Variants in FAM178B observed in about 807,000 individuals in gnomAD.
The protein encoded by FAM178B is family with sequence similarity 178 member B.
A neutral mutation model predicts 91.7 loss-of-function variants in FAM178B; 82 were observed. The ratio of observed to expected loss-of-function variants is 0.89; its 90% CI spans 0.75 to 1.07. The LOEUF is 1.07. Ranked by LOEUF, FAM178B falls within the 50% of genes least tolerant of loss-of-function variation. The pLI, the probability that FAM178B is intolerant of heterozygous loss-of-function variation, is 0.00. For missense variants in FAM178B, 769 were observed against 846.7 expected (o/e 0.91, Z 1.14); for synonymous variants, 368 against 359.4 (o/e 1.02, Z -0.27).
chr2:96,965,823 G>A (rs551567052), intron 5 of FAM178B, among the ~76,000 whole-genome samples: 5 of 151,996 alleles, frequency 3.3e-5, no homozygotes, highest in African/African-American at 9.7e-5. Context: ...CCTAAGCTCC[G>A]GGGGTCCCTT....
intron 1 of FAM178B, chr2:96,977,946 C>CGGGTGGGGGG: frequency 1.7e-5 from 1 of 57,842 alleles, no homozygotes; most frequent in Non-Finnish European, 3.9e-5. Context: ...GAGGGTGGGG[C>CGGGTGGGGGG]GGGCGGGGGA....
intron 1 of FAM178B, among the ~76,000 whole-genome samples, chr2:96,974,135 C>A (rs528891722): frequency 1.3e-5 from 2 of 151,926 alleles, no homozygotes; most frequent in Non-Finnish European, 2.9e-5. Context: ...GTAATCCCAG[C>A]ACTTTGGGAG....
At chr2:96,942,767 TA>T (rs2081755623) in intron 8 of FAM178B, among the ~76,000 whole-genome samples, 1 of 152,180 alleles carries the variant, frequency 6.6e-6, no homozygotes, top group Non-Finnish European at 1.5e-5. Flanking sequence ...GCTATAGTAA[TA>T]ACAAATTTAG....
At chr2:96,915,483 G>A (rs1036488820) in intron 12 of FAM178B, among the ~76,000 whole-genome samples, 1 of 151,998 alleles carries the variant, frequency 6.6e-6, no homozygotes, top group Admixed American at 6.6e-5. Flanking sequence ...TGGCTGTGGG[G>A]GTAAGAGCAG....
chr2:96,960,511 C>T, intron 5 of FAM178B, 71 bp from the exon 6 acceptor site: 1 of 1,471,336 alleles, frequency 6.8e-7, no homozygotes, highest in South Asian at 1.4e-5. Flanking sequence ...GCCATTAGCC[C>T]AGGGAAGGAT....
At chr2:96,888,949 T>G (rs952547318) in intron 14 of FAM178B, among the ~76,000 whole-genome samples, 2 of 151,960 alleles carry the variant, frequency 1.3e-5, no homozygotes, top group Admixed American at 1.3e-4. Context: ...AAGCCACACA[T>G]CCCCAGGCCT....
chr2:96,947,908 T>C lies in FAM178B; in HGVS notation c.994-6A>G, dbSNP rs188247978. ...TCTGGAGGCCATGTCAGCAGCTAGG[T>C]GGAAAAAAAAAACAAAAACAAAAAC... On this transcript the variant is annotated splice_polypyrimidine_tract_variant and splice_region_variant and intron_variant, in intron 7 of 16. Transcript: ENST00000490605. 3 of 1,506,894 alleles carry C rather than the reference T, an allele frequency of 2.0e-6. No homozygotes were observed. The highest frequency in any genetic ancestry group is 1.5e-5 in the African/African-American group (1 of 68,072). 93.3% of individuals were successfully genotyped at this position (1,506,894 alleles called of 1,614,324 possible).
At chr2:96,975,046 G>C (rs778626047) in intron 1 of FAM178B, among the ~76,000 whole-genome samples, 1 of 137,116 alleles carries the variant, frequency 7.3e-6, no homozygotes, top group African/African-American at 2.7e-5. Context: ...AGCCTAGATC[G>C]TGCCACTGCA....
intron 1 of FAM178B, among the ~76,000 whole-genome samples, chr2:96,980,618 G>A (rs2082349095): frequency 6.6e-6 from 1 of 151,938 alleles, no homozygotes; most frequent in South Asian, 2.1e-4. Context: ...GCCCAGGTTG[G>A]TCTCAAACTT....
At chr2:96,879,345 AATGCCGGCAGGTGACAAT>A (rs1468046009) in intron 14 of FAM178B, among the ~76,000 whole-genome samples, 1 of 152,112 alleles carries the variant, frequency 6.6e-6, no homozygotes, top group Non-Finnish European at 1.5e-5. Flanking sequence ...GGGCTCTAGA[AATGCCGGCAGGTGACAAT>A]AGGCTGGAGC....
intron 1 of FAM178B, among the ~76,000 whole-genome samples, chr2:96,983,513 C>T (rs1034651313): frequency 1.2e-4 from 18 of 151,494 alleles, no homozygotes; most frequent in Admixed American, 2.0e-4. Flanking sequence ...GCAGCCTCAA[C>T]CTCCTGGGAT....
intron 5 of FAM178B, among the ~76,000 whole-genome samples, chr2:96,964,887 C>T (rs2082125044): frequency 6.6e-6 from 1 of 152,132 alleles, no homozygotes; most frequent in Admixed American, 6.5e-5. Flanking sequence ...GCAACCTGCT[C>T]CATCTCCTTT....
At chr2:96,935,703 G>A (rs111970156) in intron 8 of FAM178B, among the ~76,000 whole-genome samples, 6 of 84,828 alleles carry the variant, frequency 7.1e-5, no homozygotes, top group African/African-American at 2.3e-4. Context: ...GCACGATCTC[G>A]GCTCGCTGCA....
intron 12 of FAM178B, among the ~76,000 whole-genome samples, chr2:96,909,473 C>T (rs2085713334): frequency 6.6e-6 from 1 of 152,208 alleles, no homozygotes; most frequent in African/African-American, 2.4e-5. Flanking sequence ...GTGGCTGCCC[C>T]TTCCTGCAGG....
intron 1 of FAM178B, among the ~76,000 whole-genome samples, chr2:96,975,929 A>G (rs1021204582): frequency 1.2e-4 from 18 of 152,134 alleles, no homozygotes; most frequent in African/African-American, 4.3e-4. Context: ...ACTACTTTCA[A>G]TAATAAAACA....
chr2:96,886,274 G>A (rs1462662630), intron 14 of FAM178B, among the ~76,000 whole-genome samples: 1 of 152,226 alleles, frequency 6.6e-6, no homozygotes, highest in African/African-American at 2.4e-5. Flanking sequence ...ATCCCAGGCT[G>A]GCCATTCACT....
chr2:96,905,209 C>T (rs1485851634), intron 12 of FAM178B, among the ~76,000 whole-genome samples: 1 of 152,138 alleles, frequency 6.6e-6, no homozygotes, highest in Non-Finnish European at 1.5e-5. Context: ...CTGAGCCATA[C>T]ACTTAACTGT....
At chr2:96,898,366 A>ACT (rs2080862329) in intron 13 of FAM178B, among the ~76,000 whole-genome samples, 1 of 152,092 alleles carries the variant, frequency 6.6e-6, no homozygotes, top group Non-Finnish European at 1.5e-5. Flanking sequence ...CTTTAATCTC[A>ACT]GCTCTAGGCG....
chr2:96,962,201 C>T lies in FAM178B; in HGVS notation c.735-1761G>A, dbSNP rs561182076. Among the ~76,000 whole-genome samples the T allele has an allele frequency of 3.6e-4, 55 of 152,166 alleles. 1 individual carries two copies. Among genetic ancestry groups the T allele is most frequent in the South Asian group, 1.7e-3 (8 of 4,822 alleles). On this transcript the variant is annotated intron_variant, in intron 5 of 16. Coordinates refer to ENST00000490605, the MANE Select transcript of FAM178B (RefSeq NM_001122646.3). ...CCTGTAATCCCAGCTACTTGGGAGGCTGAGGCAGGTGAATTGCTTGAATCT... is the reference window on the plus strand; with the variant it reads ...CCTGTAATCCCAGCTACTTGGGAGGTTGAGGCAGGTGAATTGCTTGAATCT...
Sources: allele counts gnomAD v4.1 joint callset (sites outside exome capture counted in the v4.1 genomes callset), GRCh38; gene constraint gnomAD v4.1.1; transcripts MANE v1.5; gene names NCBI Gene and HGNC (gene_info 2026-07-23, HGNC 2026-07-21).